Variants in ADCY1 observed in about 807,000 individuals in gnomAD.
ADCY1 encodes the protein adenylate cyclase 1.
A neutral mutation model predicts 105.4 loss-of-function variants in ADCY1; 28 were observed. That is an observed-to-expected ratio of 0.27 (90% confidence interval 0.20 to 0.36). ADCY1 has a LOEUF of 0.36. Ranked by LOEUF, ADCY1 falls within the 10% of genes least tolerant of loss-of-function variation. The pLI, the probability that ADCY1 is intolerant of heterozygous loss-of-function variation, is 1.00. For missense variants in ADCY1, 977 were observed against 1,434.2 expected (o/e 0.68, Z 5.15); for synonymous variants, 655 against 623.8 (o/e 1.05, Z -0.75).
intron 14 of ADCY1, among the ~76,000 whole-genome samples, chr7:45,693,001 T>TA (rs1784811861): frequency 6.6e-6 from 1 of 152,252 alleles, no homozygotes; most frequent in Non-Finnish European, 1.5e-5. Flanking sequence ...AACATTTATG[T>TA]ACCTAAAACA....
At chr7:45,588,322 T>C (rs951777440) in intron 1 of ADCY1, among the ~76,000 whole-genome samples, 1 of 152,050 alleles carries the variant, frequency 6.6e-6, no homozygotes, top group Admixed American at 6.6e-5. Flanking sequence ...TTAGCAAATA[T>C]TTTCTCTGCC....
intron 8 of ADCY1, among the ~76,000 whole-genome samples, chr7:45,677,338 A>G (rs747755480): frequency 2.6e-5 from 4 of 152,040 alleles, no homozygotes; most frequent in Non-Finnish European, 4.4e-5. Flanking sequence ...ATTAGACTCT[A>G]TTTTCCTTTT....
At chr7:45,689,463 A>G (rs1015709956) in intron 14 of ADCY1, among the ~76,000 whole-genome samples, 11 of 152,096 alleles carry the variant, frequency 7.2e-5, no homozygotes, top group African/African-American at 2.7e-4. Context: ...CAAAACATGA[A>G]CATACATGTC....
At chr7:45,651,185 C>T (rs1422186730) in intron 5 of ADCY1, among the ~76,000 whole-genome samples, 3 of 152,126 alleles carry the variant, frequency 2.0e-5, no homozygotes, top group Non-Finnish European at 4.4e-5. Flanking sequence ...AGCTTCCTGG[C>T]TCTGGACCGG....
intron 4 of ADCY1, among the ~76,000 whole-genome samples, chr7:45,633,716 C>T (rs1038890769): frequency 5.3e-5 from 8 of 150,062 alleles, no homozygotes; most frequent in African/African-American, 1.2e-4. Context: ...GCAGGAGAAT[C>T]GCTTGAACCC....
chr7:45,677,025 G>A (rs1335133221), intron 8 of ADCY1, among the ~76,000 whole-genome samples: 2 of 151,764 alleles, frequency 1.3e-5, no homozygotes, highest in African/African-American at 2.4e-5. Context: ...TTTCTAGTCT[G>A]GGATAAATAA....
Position 45,722,835 on chromosome 7 carries a change from ACT to A in ADCY1, c.*8844_*8845del, listed in dbSNP as rs1785502654. The A allele has an allele frequency of 6.6e-6, 1 of 152,390 alleles. No homozygotes were observed. Among genetic ancestry groups the A allele is most frequent in the Non-Finnish European group, 1.5e-5 (1 of 68,002 alleles). The allele number at this position is 152,390 out of a possible 1,614,324, so 9.4% of individuals were successfully genotyped here. On this transcript the variant is annotated 3_prime_UTR_variant, in exon 20 of 20. Transcript: ENST00000297323. ...AGTACATTCAGAATTACAATAACTC[ACT>A]CTCACTGGGTAACTTCTCATGATAG...
chr7:45,664,437 C>T (rs1323650881), intron 8 of ADCY1: 4 of 1,533,650 alleles, frequency 2.6e-6, no homozygotes, highest in Non-Finnish European at 3.5e-6. Context: ...CTGCCATCAG[C>T]CCTTATCCCC....
chr7:45,583,462 T>C lies in ADCY1; in HGVS notation c.639+8280T>C, dbSNP rs553032397. On this transcript the variant is annotated intron_variant, in intron 1 of 19. Coordinates refer to ENST00000297323, the MANE Select transcript of ADCY1 (RefSeq NM_021116.4). ...TGAGCACAACTTTTTGTTTTGATTC[T>C]AAAAATACAGAGCAGCTCTTTTATC... 1.6e-4 allele frequency among the ~76,000 whole-genome samples: 25 copies of C among 152,326 alleles called. No individual in the cohort carries two copies. The South Asian group carries it at 4.4e-3, about 27-fold the overall frequency.
At position 45,660,026 on chromosome 7, in the gene ADCY1, C is replaced by T. The variant is rs1034556605; in HGVS notation, c.1308-16C>T. On this transcript the variant is annotated splice_polypyrimidine_tract_variant and intron_variant, in intron 6 of 19. Transcript: ENST00000297323. ...TGGTTCCCCACTCATCTGGCCTCTG[C>T]CTCCTCCTTTTGTAGGAAGGTTCAT... 3 of 1,613,898 alleles carry T rather than the reference C, an allele frequency of 1.9e-6. No individual in the cohort carries two copies. The highest frequency in any genetic ancestry group is 2.2e-5 in the East Asian group (1 of 44,870).
intron 4 of ADCY1, among the ~76,000 whole-genome samples, chr7:45,623,083 CAG>C (rs1793943122): frequency 6.6e-6 from 1 of 152,200 alleles, no homozygotes; most frequent in African/African-American, 2.4e-5. Context: ...CCACTGTAGA[CAG>C]AGCTGGTGTT....
Position 45,704,268 on chromosome 7 carries a change from G to C in ADCY1, c.2719-250G>C, listed in dbSNP as rs2247709. Among the ~76,000 whole-genome samples, 65,927 of 151,754 alleles carry C rather than the reference G, an allele frequency of 0.43. 15,446 individuals are homozygous for C. The highest frequency in any genetic ancestry group is 0.66 in the South Asian group (3,196 of 4,810). On this transcript the variant is annotated intron_variant, in intron 16 of 19. Coordinates refer to ENST00000297323, the MANE Select transcript of ADCY1 (RefSeq NM_021116.4). ...CCAGGCACTGTGGCAGCCCCACCAC[G>C]CCTTGTCATTGGACCTGATTCTCCT...
chr7:45,656,227 C>T (rs1039115342), intron 5 of ADCY1, among the ~76,000 whole-genome samples: 2 of 151,686 alleles, frequency 1.3e-5, no homozygotes, highest in African/African-American at 2.4e-5. Context: ...GGTGTGAACC[C>T]GGGAGGCGGA....
chr7:45,653,180 G>C (rs1008520070), intron 5 of ADCY1, among the ~76,000 whole-genome samples: 1 of 152,222 alleles, frequency 6.6e-6, no homozygotes, highest in East Asian at 1.9e-4. Context: ...TTTGGTGACT[G>C]TGCTGGTCTT....
At chr7:45,610,719 A>ATGGT (rs1793516590) in intron 3 of ADCY1, among the ~76,000 whole-genome samples, 2 of 18,916 alleles carry the variant, frequency 1.1e-4, no homozygotes, top group Non-Finnish European at 2.2e-4. Context: ...GGTGGAGGTG[A>ATGGT]GGAGGGGATA....
At chr7:45,682,609 T>C (rs1784582688) in intron 11 of ADCY1, among the ~76,000 whole-genome samples, 1 of 152,170 alleles carries the variant, frequency 6.6e-6, no homozygotes, top group African/African-American at 2.4e-5. Flanking sequence ...TCTCCCACCC[T>C]GGCCTGGTGC....
intron 4 of ADCY1, among the ~76,000 whole-genome samples, chr7:45,631,876 A>G (rs942838631): frequency 1.3e-5 from 2 of 152,222 alleles, no homozygotes; most frequent in Non-Finnish European, 2.9e-5. Flanking sequence ...AATAAAGTAA[A>G]AATCTTTGCC....
At chr7:45,640,969 C>T (rs1456577792) in intron 4 of ADCY1, among the ~76,000 whole-genome samples, 3 of 152,124 alleles carry the variant, frequency 2.0e-5, no homozygotes, top group Non-Finnish European at 4.4e-5. Context: ...CACAGTCTGA[C>T]CATTTTGTTC....
chr7:45,712,127 A>G (rs1171683318), intron 19 of ADCY1, among the ~76,000 whole-genome samples: 1 of 137,778 alleles, frequency 7.3e-6, no homozygotes. Flanking sequence ...AAATTTTTAT[A>G]TTTAAAATTT....
Sources: gnomAD v4.1 joint callset for allele counts (sites outside exome capture counted in the v4.1 genomes callset) on GRCh38, gnomAD v4.1.1 for gene constraint, MANE v1.5 for transcripts, NCBI Gene and HGNC (gene_info 2026-07-23, HGNC 2026-07-21) for gene names.